ZMYM2: variants seen among roughly 807,000 people sequenced by gnomAD.
ZMYM2 encodes zinc finger MYM-type protein 2.
A neutral mutation model predicts 162.8 loss-of-function variants in ZMYM2; 56 were observed. The observed-to-expected ratio is 0.34, with a 90% CI of 0.28 to 0.43. The LOEUF (loss-of-function observed/expected upper bound fraction) is 0.43. Among genes scored for constraint, ZMYM2 ranks in the 20% least tolerant of loss-of-function variants. The pLI is 1.00. For synonymous variants in ZMYM2, 510 were observed against 541.6 expected, an observed-to-expected ratio of 0.94 and a Z score of 0.81; for missense variants, 1,275 against 1,621.8, an observed-to-expected ratio of 0.79 and a Z score of 3.67.
chr13:20,003,015 T>A lies in ZMYM2; in HGVS notation c.1013T>A (p.Leu338Ter). 1 of 1,614,172 alleles carries A rather than the reference T, an allele frequency of 6.2e-7. No individual in the cohort carries two copies. The highest frequency in any genetic ancestry group is 8.5e-7 in the Non-Finnish European group (1 of 1,180,030). The stretch of plus-strand genomic sequence containing the variant: ...ACTTGTGCAAACTGCAAAAAACCTT[T>A]ACAGAAGGGCCAGACAGCTTATCAA... ...KVTCANCKKP[L>*]QKGQTAYQRK... The change falls in exon 4 of 25, where the codon TTA (leucine) becomes TAA (stop). Residue 338 changes from leucine (L) to a stop codon, truncating the protein, a stop_gained. Coordinates refer to ENST00000610343, the MANE Select transcript of ZMYM2 (RefSeq NM_197968.4). LOFTEE classifies it high-confidence loss of function.
At position 19,977,680 on chromosome 13, in the gene ZMYM2, C is replaced by T. The variant is rs567717196; in HGVS notation, c.-10-15383C>T. On this transcript the variant is annotated intron_variant, in intron 2 of 24. Transcript: ENST00000610343. Reference sequence around the variant, plus strand: ...AATTTTTTTGTATTCTTAGTAGAGACGGGGTTTCACTGTGTTAGCCAGGAT... The same window carrying T: ...AATTTTTTTGTATTCTTAGTAGAGATGGGGTTTCACTGTGTTAGCCAGGAT... Among the ~76,000 whole-genome samples, 25 of 150,168 alleles carry T rather than the reference C, an allele frequency of 1.7e-4. No individual in the cohort carries two copies. In the South Asian group the frequency reaches 4.0e-3, roughly 24 times the overall value.
At chr13:19,927,173 T>G in the ZMYM2 span, among the ~76,000 whole-genome samples, 1 of 152,168 alleles carries the variant, frequency 6.6e-6, no homozygotes, top group South Asian at 2.1e-4. Flanking sequence ...TTTTTCTTGA[T>G]AACATGTATT....
In ZMYM2 at chr13:20,027,251, A is replaced by T. The variant is rs1041957524; in HGVS notation, c.1784A>T (p.Tyr595Phe). Residue 595 changes from tyrosine (Y) to phenylalanine (F), a missense_variant, in exon 9 of 25, where the codon TAC becomes TTC. Around this residue, in one of 10 missense-constraint regions of ZMYM2, gnomAD observed 276 missense variants for 311.8 expected, o/e 0.89. Coordinates refer to ENST00000610343, the MANE Select transcript of ZMYM2 (RefSeq NM_197968.4). ...TGTAAGCGAAACTCTTTACCTCAAT[A>T]CCAAGCCACAATGCCTGATGGAAAA... ...HFCKRNSLPQ[Y>F]QATMPDGKLY... The T allele has an allele frequency of 1.3e-6, 2 of 1,585,168 alleles. No homozygotes were observed. Among genetic ancestry groups the T allele is most frequent in the African/African-American group, 1.3e-5 (1 of 74,582 alleles).
intron 19 of ZMYM2, among the ~76,000 whole-genome samples, chr13:20,064,871 A>G (rs998948206): frequency 2.6e-5 from 4 of 151,456 alleles, no homozygotes; most frequent in Non-Finnish European, 5.9e-5. Context: ...CTAAACTTGT[A>G]TTGATACAAG....
In ZMYM2 at chr13:20,064,494, T is replaced by C. The variant is rs749530844; in HGVS notation, c.3081T>C (p.Pro1027=). The stretch of plus-strand genomic sequence containing the variant: ...TGGAAAATGAATTTTTATTACCACC[T>C]GTTTTTGGCGAAGAATATGAGGAAC... The part of the protein sequence containing the change: ...LDMENEFLLP[P]VFGEEYEEQP... The change falls in exon 19 of 25, where the codon CCT becomes CCC. Residue 1027 remains proline (P), a synonymous_variant. Coordinates refer to ENST00000610343, the MANE Select transcript of ZMYM2 (RefSeq NM_197968.4). 1.9e-6 allele frequency: 3 copies of C among 1,601,258 alleles called. No individual in the cohort carries two copies. The highest frequency in any genetic ancestry group is 1.7e-4 in the Middle Eastern group (1 of 5,816).
intron 2 of ZMYM2, among the ~76,000 whole-genome samples, chr13:19,975,239 T>A (rs1427799416): frequency 6.6e-6 from 1 of 151,928 alleles, no homozygotes; most frequent in East Asian, 1.9e-4. Flanking sequence ...GGGTACACAA[T>A]TTTGTGACAT....
chr13:19,924,032 A>ATC, the ZMYM2 span, among the ~76,000 whole-genome samples: 3 of 151,408 alleles, frequency 2.0e-5, no homozygotes, highest in African/African-American at 4.9e-5. Flanking sequence ...GACCTTAATC[A>ATC]TCTCTCTCTC....
At chr13:19,889,823 C>T in the ZMYM2 span, among the ~76,000 whole-genome samples, 1 of 151,448 alleles carries the variant, frequency 6.6e-6, no homozygotes, top group African/African-American at 2.4e-5. Context: ...TGTTTTTTAA[C>T]TGAAAAATAA....
At chr13:20,072,083 G>C (rs1957129249) in intron 21 of ZMYM2, 1 of 163,244 alleles carries the variant, frequency 6.1e-6, no homozygotes, top group Non-Finnish European at 1.3e-5. Flanking sequence ...TTCTGGTTAT[G>C]AAATTCACTG....
chr13:20,073,248 A>C (rs569220859), intron 21 of ZMYM2, among the ~76,000 whole-genome samples: 1 of 152,276 alleles, frequency 6.6e-6, no homozygotes, highest in East Asian at 1.9e-4. Flanking sequence ...GAATCAGCCA[A>C]CTTTTTCGTA....
chr13:19,939,901 A>G, the ZMYM2 span, among the ~76,000 whole-genome samples: 1 of 152,210 alleles, frequency 6.6e-6, no homozygotes, highest in African/African-American at 2.4e-5. Flanking sequence ...GACTCAAGGC[A>G]GCATGATATG....
At chr13:20,026,796 T>C in intron 8 of ZMYM2, 34 bp downstream of exon 8, 1 of 1,546,370 alleles carries the variant, frequency 6.5e-7, no homozygotes, top group South Asian at 1.3e-5. Context: ...TTAAAAAAAC[T>C]TTACAACGTA....
the ZMYM2 span, among the ~76,000 whole-genome samples, chr13:19,882,000 AAAT>A: frequency 2.6e-4 from 32 of 122,090 alleles, no homozygotes; most frequent in South Asian, 1.8e-3. Context: ...AAAAAAAAAA[AAAT>A]TTGTATATTT....
At chr13:20,051,068 A>C (rs913815181) in intron 12 of ZMYM2, among the ~76,000 whole-genome samples, 4 of 152,076 alleles carry the variant, frequency 2.6e-5, no homozygotes, top group African/African-American at 4.8e-5. Flanking sequence ...TTCATTACTC[A>C]TAAATGTTCA....
chr13:19,886,219 C>T, the ZMYM2 span, among the ~76,000 whole-genome samples: 2 of 125,810 alleles, frequency 1.6e-5, no homozygotes, highest in Non-Finnish European at 3.1e-5. Context: ...AGCTGGAGTG[C>T]GATGGCGCAA....
intron 9 of ZMYM2, among the ~76,000 whole-genome samples, chr13:20,030,324 G>C (rs1400304191): frequency 6.7e-6 from 1 of 149,784 alleles, no homozygotes; most frequent in Non-Finnish European, 1.5e-5. Context: ...TCCGCCTCCT[G>C]GGTTCAAGTG....
the ZMYM2 span, among the ~76,000 whole-genome samples, chr13:19,873,385 T>TTTATTTATTTAA: frequency 1.9e-3 from 214 of 110,092 alleles, no homozygotes; most frequent in African/African-American, 7.7e-3. Flanking sequence ...GTCAATTTTA[T>TTTATTTATTTAA]TTATTTATTT....
chr13:20,072,333 C>T (rs4769938), intron 21 of ZMYM2, among the ~76,000 whole-genome samples: 42,101 of 151,942 alleles, frequency 0.28, 6,803 homozygotes, highest in East Asian at 0.64. Context: ...CCAGCCTGGC[C>T]GACATGGTGA....
intron 7 of ZMYM2, among the ~76,000 whole-genome samples, chr13:20,020,495 G>A (rs1380260613): frequency 6.6e-6 from 1 of 152,030 alleles, no homozygotes; most frequent in Admixed American, 6.5e-5. Flanking sequence ...AAGTGTTGGC[G>A]TTACAGGCGT....
Sources: gnomAD v4.1 joint callset for allele counts (sites outside exome capture counted in the v4.1 genomes callset) on GRCh38, gnomAD v4.1.1 for gene constraint, gnomAD v4.1.1 regional missense constraint, MANE v1.5 for transcripts, NCBI Gene and HGNC (gene_info 2026-07-23, HGNC 2026-07-21) for gene names.